Variants in MTMR3 observed in about 807,000 individuals in gnomAD.
The protein encoded by MTMR3 is myotubularin related protein 3, also known as phosphatidylinositol-3,5-bisphosphate 3-phosphatase MTMR3.
MTMR3 carries 32 observed loss-of-function variants against 132.4 expected under a neutral mutation model. The observed-to-expected ratio is 0.24, with a 90% CI of 0.18 to 0.32. MTMR3 has a LOEUF of 0.32. Among genes scored for constraint, MTMR3 ranks in the 10% least tolerant of loss-of-function variants. The pLI is 1.00. For missense variants in MTMR3, 1,216 were observed against 1,489.6 expected (o/e 0.82, Z 3.02); for synonymous variants, 556 against 550.3 (o/e 1.01, Z -0.14).
chr22:30,023,319 C>T (rs2067815394), intron 19 of MTMR3: 4 of 831,152 alleles, frequency 4.8e-6, no homozygotes, highest in East Asian at 4.9e-5. Context: ...CTCACCCACA[C>T]GAGTGGGTGG....
intron 1 of MTMR3, among the ~76,000 whole-genome samples, chr22:29,904,590 T>C (rs8141680): frequency 0.22 from 33,191 of 152,254 alleles, 4,045 homozygotes; most frequent in Middle Eastern, 0.38. Context: ...CTTATAATAT[T>C]AGATAACCAA....
chr22:29,981,370 G>A (rs1395442778), intron 5 of MTMR3: 1 of 152,232 alleles, frequency 6.6e-6, no homozygotes, highest in Admixed American at 6.5e-5. Flanking sequence ...AAGGATAGCT[G>A]TGTGAGTAGG....
intron 2 of MTMR3, among the ~76,000 whole-genome samples, chr22:29,958,762 C>G (rs62228022): frequency 6.6e-6 from 1 of 152,116 alleles, no homozygotes; most frequent in Non-Finnish European, 1.5e-5. Flanking sequence ...TTGGGAATGC[C>G]CTTGAAGGCA....
intron 2 of MTMR3, among the ~76,000 whole-genome samples, chr22:29,967,234 CAT>C (rs1491229508): frequency 0.044 from 3,533 of 79,788 alleles, 49 homozygotes; most frequent in Non-Finnish European, 0.055. Context: ...TGTGTGTGTG[CAT>C]GCGCGCGCGC....
intron 3 of MTMR3, among the ~76,000 whole-genome samples, chr22:29,971,578 T>C (rs2066537062): frequency 6.6e-6 from 1 of 152,194 alleles, no homozygotes. Context: ...TTACTTCACA[T>C]AGTATATATG....
intron 4 of MTMR3, 53 bp from the exon 5 acceptor site, chr22:29,978,883 C>CTTTT (rs372775454): frequency 8.1e-6 from 9 of 1,111,508 alleles, no homozygotes; most frequent in Non-Finnish European, 1.2e-5. Context: ...ATGTTTGAAG[C>CTTTT]TTTTTTTTTT....
chr22:29,914,439 GTTGTTTT>G (rs1157529508), intron 1 of MTMR3, among the ~76,000 whole-genome samples: 1 of 152,098 alleles, frequency 6.6e-6, no homozygotes, highest in African/African-American at 2.4e-5. Flanking sequence ...ATTAAAATAG[GTTGTTTT>G]TTGTTTATTG....
chr22:29,953,533 A>C (rs368618899), intron 1 of MTMR3, among the ~76,000 whole-genome samples: 1 of 152,138 alleles, frequency 6.6e-6, no homozygotes, highest in East Asian at 1.9e-4. Context: ...ATTTTACAGA[A>C]AGGGACTTAG....
intron 1 of MTMR3, among the ~76,000 whole-genome samples, chr22:29,923,715 A>G (rs1386565838): frequency 6.6e-6 from 1 of 152,158 alleles, no homozygotes; most frequent in East Asian, 1.9e-4. Flanking sequence ...TTGTCTTTTA[A>G]GCACACTAAT....
Position 30,025,818 on chromosome 22 carries a change from T to G in MTMR3, c.*17T>G. ...TCCAACTGAAGCTCAGTGACCTGGGTGGGCAGTGGCCAAGCTGCTGTTCCT... is the reference window on the plus strand; with the variant it reads ...TCCAACTGAAGCTCAGTGACCTGGGGGGGCAGTGGCCAAGCTGCTGTTCCT... On this transcript the variant is annotated 3_prime_UTR_variant, in exon 20 of 20. Transcript: ENST00000401950. The G allele has an allele frequency of 6.2e-7, 1 of 1,613,274 alleles. No homozygotes were observed.
chr22:29,926,099 A>G (rs1039829705), intron 1 of MTMR3, among the ~76,000 whole-genome samples: 4 of 152,026 alleles, frequency 2.6e-5, no homozygotes, highest in Non-Finnish European at 4.4e-5. Flanking sequence ...TTCTCTTTCA[A>G]TGCATTTACC....
chr22:29,919,471 G>T (rs1294535258), intron 1 of MTMR3, among the ~76,000 whole-genome samples: 1 of 152,210 alleles, frequency 6.6e-6, no homozygotes, highest in Non-Finnish European at 1.5e-5. Context: ...TACCAGATAA[G>T]ATATGTGATC....
chr22:30,000,467 TAAAAAAAATA>T (rs1244646253), intron 8 of MTMR3: 1 of 136,628 alleles, frequency 7.3e-6, no homozygotes, highest in African/African-American at 3.1e-5. Context: ...TCTTAAAAAA[TAAAAAAAATA>T]AAAAAAAAAA....
At chr22:29,990,225 C>G (rs893098456) in intron 6 of MTMR3, 6 of 152,360 alleles carry the variant, frequency 3.9e-5, no homozygotes, top group African/African-American at 1.4e-4. Flanking sequence ...CAGAACAAGA[C>G]TCCATCTGAA....
intron 12 of MTMR3, 61 bp downstream of exon 12, chr22:30,009,190 C>A: frequency 8.4e-7 from 1 of 1,193,300 alleles, no homozygotes; most frequent in Non-Finnish European, 1.2e-6. Context: ...TTGCTTCTTT[C>A]CTTGAACTAA....
At chr22:29,995,487 C>G (rs1024793159) in intron 7 of MTMR3, 1 of 152,160 alleles carries the variant, frequency 6.6e-6, no homozygotes, top group Non-Finnish European at 1.5e-5. Flanking sequence ...CTGATTGACA[C>G]TGTGTTTGTG....
At position 30,023,558 on chromosome 22, in the gene MTMR3, C is replaced by T. The variant is rs1365307739; in HGVS notation, c.3425+861C>T. On this transcript the variant is annotated intron_variant, in intron 19 of 19. Coordinates refer to ENST00000401950, the MANE Select transcript of MTMR3 (RefSeq NM_021090.4). ...TTCTCCACACTAACTCTTATCATTT[C>T]CCCCTCTCTGCACTTACTAGGGTGA... The T allele has an allele frequency of 4.5e-6, 7 of 1,556,912 alleles. No homozygotes were observed. The African/African-American group carries it at 5.4e-5, about 12-fold the overall frequency.
At chr22:30,009,200 A>AG (rs2067346586) in intron 12 of MTMR3, 71 bp downstream of exon 12, 18 of 1,118,738 alleles carry the variant, frequency 1.6e-5, no homozygotes, top group Non-Finnish European at 2.0e-5. Context: ...CCTTGAACTA[A>AG]GGGGGAAAAA....
At chr22:30,012,319 G>A (rs1180634965) in intron 12 of MTMR3, 49 bp from the exon 13 acceptor site, 1 of 1,575,406 alleles carries the variant, frequency 6.3e-7, no homozygotes, top group South Asian at 1.1e-5. Flanking sequence ...GCATGATGCA[G>A]TAAATCATAA....
Sources: gnomAD v4.1 joint callset for allele counts (sites outside exome capture counted in the v4.1 genomes callset) on GRCh38, gnomAD v4.1.1 for gene constraint, MANE v1.5 for transcripts, NCBI Gene and HGNC (gene_info 2026-07-23, HGNC 2026-07-21) for gene names.